The following OR51B5 variants were observed in gnomAD, a reference collection of about 807,000 sequenced individuals.
OR51B5 encodes olfactory receptor 51B5.
For missense variants in OR51B5, 456 were observed against 374.6 expected (o/e 1.22, Z -1.79); for synonymous variants, 186 against 144.8 (o/e 1.28, Z -2.04).
At position 5,418,726 on chromosome 11, in the gene OR51B5, C is replaced by T. The variant is rs1242284026; in HGVS notation, n.85-71816G>A. On this transcript the variant is annotated intron_variant and non_coding_transcript_variant, in intron 1 of 4. Coordinates refer to the OR51B5 transcript ENST00000415970. ...GGGAGCATCACACACCCGAGCCTATCGGGGGATGGGGGGTTAGGGGAGGGA... is the reference window on the plus strand; with the variant it reads ...GGGAGCATCACACACCCGAGCCTATTGGGGGATGGGGGGTTAGGGGAGGGA... Among the ~76,000 whole-genome samples, 6 of 143,616 alleles carry T rather than the reference C, an allele frequency of 4.2e-5. No homozygotes were observed. The South Asian group carries it at 6.8e-4, about 16-fold the overall frequency. The allele number at this position is 143,616 out of a possible 152,430, so 94.2% of individuals were successfully genotyped here.
At chr11:5,395,904 T>C (rs562879597) in intron 1 of OR51B5, among the ~76,000 whole-genome samples, 37 of 152,350 alleles carry the variant, frequency 2.4e-4, no homozygotes, top group African/African-American at 7.2e-4. Context: ...TGCTGGAAAG[T>C]ACAACTAATA....
intron 1 of OR51B5, among the ~76,000 whole-genome samples, chr11:5,471,250 T>C (rs1851223879): frequency 6.6e-6 from 1 of 152,194 alleles, no homozygotes; most frequent in African/African-American, 2.4e-5. Flanking sequence ...GTGTTTCTTC[T>C]CATTTTATTC....
rs138227794 is a variant in OR51B5, at chr11:5,372,733, T to G, written n.85-25823A>C. Among the ~76,000 whole-genome samples the G allele has an allele frequency of 2.6e-5, 4 of 152,356 alleles. No individual in the cohort carries two copies. The East Asian group carries it at 5.8e-4, about 22-fold the overall frequency. Reference sequence around the variant, plus strand: ...TCCTTTTGATGATTGTTTTCTTTGCTGTGCAGAAAATATTTAGTTTGATGT... The same window carrying G: ...TCCTTTTGATGATTGTTTTCTTTGCGGTGCAGAAAATATTTAGTTTGATGT... On this transcript the variant is annotated intron_variant and non_coding_transcript_variant, in intron 1 of 4. Coordinates refer to the OR51B5 transcript ENST00000415970.
intron 1 of OR51B5, chr11:5,456,423 A>G (rs187601634): frequency 6.6e-6 from 1 of 152,288 alleles, no homozygotes; most frequent in African/African-American, 2.4e-5. Flanking sequence ...CTAATCCTAA[A>G]AAGGTCTAAG....
At chr11:5,412,882 A>G (rs10838064) in intron 1 of OR51B5, among the ~76,000 whole-genome samples, 124,307 of 151,244 alleles carry the variant, frequency 0.82, 51,936 homozygotes, top group Non-Finnish European at 0.89. Context: ...CAAACAAGAA[A>G]ACAGCAGTAA....
Position 5,392,320 on chromosome 11 carries a change from A to C in OR51B5, n.85-45410T>G, listed in dbSNP as rs564601370. On this transcript the variant is annotated intron_variant and non_coding_transcript_variant, in intron 1 of 4. Coordinates refer to the OR51B5 transcript ENST00000415970. ...TTACATCCACATAGTAGGCCACATTACTCAATAGCAGTTCCGAGACTTAGA... is the reference window on the plus strand; with the variant it reads ...TTACATCCACATAGTAGGCCACATTCCTCAATAGCAGTTCCGAGACTTAGA... 7.9e-5 allele frequency: 12 copies of C among 152,308 alleles called. No individual in the cohort carries two copies. The South Asian group carries it at 1.9e-3, about 24-fold the overall frequency. 9.4% of individuals were successfully genotyped at this position (152,308 alleles called of 1,614,324 possible). A position where few individuals can be genotyped will look rare whatever the true frequency, so the allele number is the denominator to read the frequency against.
Position 5,365,006 on chromosome 11 carries a change from T to A in OR51B5, n.85-18096A>T, listed in dbSNP as rs189956364. Among the ~76,000 whole-genome samples, 14 of 152,344 alleles carry A rather than the reference T, an allele frequency of 9.2e-5. No individual in the cohort carries two copies. In the East Asian group the frequency reaches 2.5e-3, roughly 27 times the overall value. On this transcript the variant is annotated intron_variant and non_coding_transcript_variant, in intron 1 of 4. Coordinates refer to the OR51B5 transcript ENST00000415970. ...GCTACAAGGGGATTTCTCAAGTAACTGCTTCTTCTTGTCATTCTTGTCACA... is the reference window on the plus strand; with the variant it reads ...GCTACAAGGGGATTTCTCAAGTAACAGCTTCTTCTTGTCATTCTTGTCACA...
At chr11:5,484,954 T>G (rs1365544480) in intron 1 of OR51B5, among the ~76,000 whole-genome samples, 2 of 152,236 alleles carry the variant, frequency 1.3e-5, no homozygotes, top group Non-Finnish European at 2.9e-5. Flanking sequence ...TTATAGGTTT[T>G]GGTTGATTTT....
At chr11:5,413,728 A>G (rs1204440264) in intron 1 of OR51B5, among the ~76,000 whole-genome samples, 1 of 152,176 alleles carries the variant, frequency 6.6e-6, no homozygotes, top group Non-Finnish European at 1.5e-5. Context: ...AGAGAAGTTT[A>G]GAGAAAAAAG....
chr11:5,359,255 G>C (rs1482242202), intron 1 of OR51B5, among the ~76,000 whole-genome samples: 1 of 148,108 alleles, frequency 6.8e-6, no homozygotes, highest in African/African-American at 2.5e-5. Context: ...CACTGTCTCA[G>C]CCCAAAATGT....
chr11:5,459,873 C>T (rs1473482777), intron 1 of OR51B5, among the ~76,000 whole-genome samples: 10 of 152,098 alleles, frequency 6.6e-5, no homozygotes, highest in Non-Finnish European at 1.2e-4. Context: ...ATTAATCCTA[C>T]TACTGGGTAT....
chr11:5,467,177 G>A (rs1393759414), intron 1 of OR51B5, among the ~76,000 whole-genome samples: 1 of 152,138 alleles, frequency 6.6e-6, no homozygotes, highest in African/African-American at 2.4e-5. Flanking sequence ...CATATGCCCA[G>A]ATTTTTGCTT....
intron 1 of OR51B5, among the ~76,000 whole-genome samples, chr11:5,408,699 C>T (rs1225540843): frequency 6.6e-6 from 1 of 152,060 alleles, no homozygotes; most frequent in Non-Finnish European, 1.5e-5. Flanking sequence ...ATAATCCAAA[C>T]ATAAACAATG....
upstream of OR51B5, among the ~76,000 whole-genome samples, chr11:5,345,378 A>AAAT: frequency 6.6e-6 from 1 of 152,206 alleles, no homozygotes; most frequent in South Asian, 2.1e-4. Flanking sequence ...AAAAAGAGAA[A>AAAT]AATAGAAAAA....
At chr11:5,373,623 C>T (rs1164866831) in intron 1 of OR51B5, among the ~76,000 whole-genome samples, 1 of 152,154 alleles carries the variant, frequency 6.6e-6, no homozygotes, top group Non-Finnish European at 1.5e-5. Flanking sequence ...GCCACTCCCA[C>T]CCGAATACTG....
rs776051877 is a variant in OR51B5 at position 5,454,444 on chromosome 11, T to C, written n.84+51125A>G. 3 of 1,581,640 alleles carry C rather than the reference T, an allele frequency of 1.9e-6. No homozygotes were observed. In the South Asian group the frequency reaches 3.4e-5, roughly 18 times the overall value. On this transcript the variant is annotated intron_variant and non_coding_transcript_variant, in intron 1 of 4. Coordinates refer to the OR51B5 transcript ENST00000415970. ...AAAATATGACTTTCACACTTGGCTT[T>C]AGAATCTGTTATTTTGGCCATAGGC...
intron 1 of OR51B5, among the ~76,000 whole-genome samples, chr11:5,450,617 T>C (rs1850830439): frequency 6.6e-6 from 1 of 152,150 alleles, no homozygotes; most frequent in African/African-American, 2.4e-5. Flanking sequence ...TGGAGACAGG[T>C]ACTTTTGTGT....
chr11:5,416,457 T>C (rs1433406237), intron 1 of OR51B5, among the ~76,000 whole-genome samples: 2 of 151,878 alleles, frequency 1.3e-5, no homozygotes, highest in Admixed American at 6.6e-5. Context: ...AAATAAAGAG[T>C]ATTCAATTAG....
chr11:5,469,966 C>G (rs1406512602), intron 1 of OR51B5, among the ~76,000 whole-genome samples: 3 of 152,134 alleles, frequency 2.0e-5, no homozygotes, highest in South Asian at 2.1e-4. Context: ...GTGGCTTGAA[C>G]CCCTCACTTA....
Sources: allele counts gnomAD v4.1 joint callset (sites outside exome capture counted in the v4.1 genomes callset), GRCh38; gene constraint gnomAD v4.1.1; transcripts MANE v1.5; gene names NCBI Gene and HGNC (gene_info 2026-07-23, HGNC 2026-07-21).